The following PCDHA2 variants were observed in gnomAD, a reference collection of about 807,000 sequenced individuals.
PCDHA2 encodes the protein protocadherin alpha-2.
PCDHA2 carries 58 observed loss-of-function variants against 66.0 expected under a neutral mutation model. The ratio of observed to expected loss-of-function variants is 0.88; its 90% CI spans 0.71 to 1.09. The LOEUF (loss-of-function observed/expected upper bound fraction) is 1.09, where lower values mean the gene tolerates loss of function less well. Ranked by LOEUF, PCDHA2 falls within the 50% of genes least tolerant of loss-of-function variation. The pLI, the probability that PCDHA2 is intolerant of heterozygous loss-of-function variation, is 0.00. For synonymous variants in PCDHA2, 634 were observed against 554.0 expected (o/e 1.14, Z -2.03); for missense variants, 1,267 against 1,242.3 (o/e 1.02, Z -0.30).
rs2150202220 is a variant in PCDHA2, at chr5:140,844,684, A to G, written c.2388+47332A>G. 1.3e-5 allele frequency among the ~76,000 whole-genome samples: 2 copies of G among 149,834 alleles called. 1 individual carries two copies. Among genetic ancestry groups the G allele is most frequent in the East Asian group, 3.9e-4 (2 of 5,172 alleles). On this transcript the variant is annotated intron_variant, in intron 1 of 3. Coordinates refer to ENST00000526136, the MANE Select transcript of PCDHA2 (RefSeq NM_018905.3). ...AACATATAATTTATAAATCCTTATT[A>G]TACAGAATATTTGGGATTATCATGG...
intron 1 of PCDHA2, chr5:140,801,342 G>A (rs782257139): frequency 1.9e-6 from 3 of 1,613,280 alleles, no homozygotes; most frequent in Admixed American, 1.7e-5. Context: ...GGGCCGCATC[G>A]CGCAGGACCT....
At chr5:140,987,318 A>C (rs148008812) in intron 3 of PCDHA2, among the ~76,000 whole-genome samples, 3,398 of 152,304 alleles carry the variant, frequency 0.022, 70 homozygotes, top group Admixed American at 0.058. Flanking sequence ...TGTACTGTGA[A>C]GTTTTAAGAA....
intron 1 of PCDHA2, chr5:140,802,774 A>G (rs1554122342): frequency 4.3e-6 from 7 of 1,613,090 alleles, no homozygotes; most frequent in Non-Finnish European, 2.5e-6. Flanking sequence ...CTGGACCACG[A>G]GGAGCTAGAG....
chr5:140,920,060 G>T (rs565038135), intron 1 of PCDHA2, among the ~76,000 whole-genome samples: 1 of 152,264 alleles, frequency 6.6e-6, no homozygotes, highest in African/African-American at 2.4e-5. Context: ...CCAACACCTG[G>T]AAAAGGCAGA....
intron 1 of PCDHA2, chr5:140,828,588 C>A: frequency 6.2e-7 from 1 of 1,614,210 alleles, no homozygotes; most frequent in South Asian, 1.1e-5. Context: ...GGCTCAAATT[C>A]CATCTTAACC....
chr5:140,857,531 G>A, intron 1 of PCDHA2: 2 of 1,597,582 alleles, frequency 1.3e-6, no homozygotes, highest in East Asian at 2.2e-5. Context: ...CTCTCTGGTG[G>A]AGCGGCGGTT....
In PCDHA2 at chr5:140,918,657, T is replaced by G. The variant is rs116489086; in HGVS notation, c.2389-60292T>G. Among the ~76,000 whole-genome samples, 1,219 of 152,370 alleles carry G rather than the reference T, an allele frequency of 8.0e-3. 6 individuals are homozygous for G. The highest frequency in any genetic ancestry group is 0.019 in the African/African-American group (787 of 41,596). ...CATAAATTGAAACCTAATTCTCATG[T>G]TGATGGTATGAAGAGGTGAGACCTT... On this transcript the variant is annotated intron_variant, in intron 1 of 3. Coordinates refer to ENST00000526136, the MANE Select transcript of PCDHA2 (RefSeq NM_018905.3).
chr5:140,839,939 G>T (rs1015505565), intron 1 of PCDHA2, among the ~76,000 whole-genome samples: 3 of 151,962 alleles, frequency 2.0e-5, no homozygotes, highest in Non-Finnish European at 4.4e-5. Context: ...AGTGTGCCAA[G>T]AAGGAGACAA....
intron 1 of PCDHA2, among the ~76,000 whole-genome samples, chr5:140,894,025 A>G (rs1473023847): frequency 1.3e-5 from 2 of 152,232 alleles, no homozygotes; most frequent in Admixed American, 6.5e-5. Flanking sequence ...CCAGTTCTGC[A>G]TACTGGTAAT....
At chr5:140,891,827 A>G (rs943963989) in intron 1 of PCDHA2, among the ~76,000 whole-genome samples, 1 of 152,212 alleles carries the variant, frequency 6.6e-6, no homozygotes, top group Non-Finnish European at 1.5e-5. Flanking sequence ...ACGGCACTGT[A>G]AAAGGACTTG....
chr5:140,936,016 C>G (rs1170221921), intron 1 of PCDHA2, among the ~76,000 whole-genome samples: 1 of 151,732 alleles, frequency 6.6e-6, no homozygotes, highest in Non-Finnish European at 1.5e-5. Context: ...CCTCAGCCTC[C>G]CGAGTAGCGG....
intron 1 of PCDHA2, among the ~76,000 whole-genome samples, chr5:140,895,476 G>A (rs928938592): frequency 6.6e-6 from 1 of 152,074 alleles, no homozygotes; most frequent in Non-Finnish European, 1.5e-5. Context: ...ATCCTCTTCG[G>A]AGAAATACCT....
intron 1 of PCDHA2, chr5:140,801,573 A>G: frequency 1.2e-6 from 2 of 1,614,270 alleles, no homozygotes; most frequent in South Asian, 2.2e-5. Context: ...AGTGAAGGAC[A>G]TTAATGACAA....
At chr5:140,966,731 G>C (rs2096045524) in intron 1 of PCDHA2, 3 of 1,405,020 alleles carry the variant, frequency 2.1e-6, no homozygotes, top group Non-Finnish European at 2.8e-6. Flanking sequence ...TGCCGCCTCC[G>C]GCCCTGCCCG....
At chr5:140,866,711 G>A (rs1554160494) in intron 1 of PCDHA2, 1 of 152,110 alleles carries the variant, frequency 6.6e-6, no homozygotes, top group African/African-American at 2.4e-5. Flanking sequence ...ACGTGCACTA[G>A]TAAGACATTA....
chr5:140,807,970 A>G, intron 1 of PCDHA2: 2 of 1,613,692 alleles, frequency 1.2e-6, no homozygotes, highest in Non-Finnish European at 1.7e-6. Context: ...GAACATTGGT[A>G]ATTAAACTTA....
At chr5:140,933,501 G>A (rs1320553451) in intron 1 of PCDHA2, among the ~76,000 whole-genome samples, 2 of 151,978 alleles carry the variant, frequency 1.3e-5, no homozygotes, top group Non-Finnish European at 2.9e-5. Flanking sequence ...GAATTGTTAA[G>A]CAAAGACTAC....
intron 1 of PCDHA2, among the ~76,000 whole-genome samples, chr5:140,954,129 G>T (rs1206426573): frequency 6.6e-6 from 1 of 152,160 alleles, no homozygotes; most frequent in Non-Finnish European, 1.5e-5. Context: ...CCTTTTTATG[G>T]ATGCATAGTA....
chr5:140,857,779 T>C (rs2044890811), intron 1 of PCDHA2: 2 of 1,597,506 alleles, frequency 1.3e-6, no homozygotes, highest in Non-Finnish European at 8.6e-7. Context: ...GTGCAGTCAG[T>C]GAGCTGGTGC....
Sources: gnomAD v4.1 joint callset for allele counts (sites outside exome capture counted in the v4.1 genomes callset) on GRCh38, gnomAD v4.1.1 for gene constraint, MANE v1.5 for transcripts, NCBI Gene and HGNC (gene_info 2026-07-23, HGNC 2026-07-21) for gene names.